Variants in PAGE2B observed in about 807,000 individuals in gnomAD.
PAGE2B encodes PAGE family member 2B, also known as putative G antigen family E member 3.
In PAGE2B, 5 loss-of-function variants were observed where a neutral mutation model predicts 7.6. The observed-to-expected ratio is 0.66, with a 90% CI of 0.34 to 1.38. The LOEUF is 1.38. Among genes scored for constraint, PAGE2B ranks in the 40% most tolerant of loss-of-function variants. The probability of loss-of-function intolerance (pLI) is 0.04; values close to 1 mark genes in which losing one functional copy is unlikely to be tolerated. For synonymous variants in PAGE2B, 29 were observed against 26.7 expected (o/e 1.09, Z -0.27); for missense variants, 70 against 78.4 (o/e 0.89, Z 0.41).
the PAGE2B span, among the ~76,000 whole-genome samples, chrX:55,039,447 C>T: frequency 9.3e-6 from 1 of 107,118 alleles, no homozygotes; most frequent in South Asian, 4.0e-4. Context: ...ATATACATAC[C>T]AAAGAATACT....
chrX:55,044,328 C>T, the PAGE2B span, among the ~76,000 whole-genome samples: 2 of 111,357 alleles, frequency 1.8e-5, no homozygotes, highest in African/African-American at 3.3e-5. Context: ...TTCACAGCAA[C>T]CATTATTCTA....
At chrX:55,040,674 C>T in the PAGE2B span, among the ~76,000 whole-genome samples, 1 of 111,046 alleles carries the variant, frequency 9.0e-6, no homozygotes, top group African/African-American at 3.3e-5. Context: ...ATGGAAGTTA[C>T]TGTTTAAGGA....
At chrX:55,031,534 GA>G in the PAGE2B span, among the ~76,000 whole-genome samples, 1 of 111,959 alleles carries the variant, frequency 8.9e-6, no homozygotes, top group African/African-American at 3.2e-5. Context: ...TGCTTTACAT[GA>G]ATTAATTTAG....
At chrX:55,054,307 A>G in the PAGE2B span, among the ~76,000 whole-genome samples, 3 of 112,500 alleles carry the variant, frequency 2.7e-5, no homozygotes, top group East Asian at 8.3e-4. Flanking sequence ...TGACTTATGG[A>G]TCAATGTTAA....
intron 2 of PAGE2B, 135 bp from the exon 3 acceptor site, chrX:55,076,434 A>G (rs757927586): frequency 9.0e-5 from 54 of 600,615 alleles, no homozygotes; most frequent in Non-Finnish European, 1.3e-4. Context: ...GTATGTATAT[A>G]TACATATATG....
chrX:55,060,872 C>T, the PAGE2B span, among the ~76,000 whole-genome samples: 1 of 110,627 alleles, frequency 9.0e-6, no homozygotes, highest in Non-Finnish European at 1.9e-5. Context: ...AAAAGTGTGT[C>T]TATTTATTCC....
the PAGE2B span, among the ~76,000 whole-genome samples, chrX:55,066,390 C>T: frequency 8.9e-6 from 1 of 112,360 alleles, no homozygotes; most frequent in Non-Finnish European, 1.9e-5. Context: ...CATGCCCAGC[C>T]TCAGATGATT....
chrX:55,053,133 G>A, the PAGE2B span, among the ~76,000 whole-genome samples: 1 of 112,188 alleles, frequency 8.9e-6, no homozygotes, highest in Non-Finnish European at 1.9e-5. Flanking sequence ...ATGCCCATCA[G>A]TGATAGACTG....
the PAGE2B span, among the ~76,000 whole-genome samples, chrX:55,058,167 TA>T: frequency 6.3e-5 from 7 of 111,134 alleles, no homozygotes; most frequent in East Asian, 2.0e-3. Flanking sequence ...TCGGTTGTAA[TA>T]ATTGATCTCC....
At chrX:55,074,300 G>A (rs985642467), upstream of PAGE2B, among the ~76,000 whole-genome samples, 10 of 112,043 alleles carry the variant, frequency 8.9e-5, no homozygotes, top group Non-Finnish European at 1.5e-4. Context: ...AAAGACCAAC[G>A]TGTCAGAATT....
the PAGE2B span, among the ~76,000 whole-genome samples, chrX:55,048,652 T>A: frequency 8.9e-6 from 1 of 111,885 alleles, no homozygotes; most frequent in Admixed American, 9.5e-5. Flanking sequence ...TGCACATTGA[T>A]TGTGTATCCT....
chrX:55,029,174 A>G, the PAGE2B span, among the ~76,000 whole-genome samples: 1 of 112,110 alleles, frequency 8.9e-6, no homozygotes, highest in African/African-American at 3.2e-5. Flanking sequence ...ACATGAATAT[A>G]CCAGGCTGGG....
chrX:55,030,888 G>C, the PAGE2B span: 1 of 338,145 alleles, frequency 3.0e-6, no homozygotes, highest in South Asian at 2.7e-5. Flanking sequence ...GTACAGCCCT[G>C]AGAGACCAGC....
chrX:55,031,419 A>G, the PAGE2B span, among the ~76,000 whole-genome samples: 1 of 111,873 alleles, frequency 8.9e-6, no homozygotes, highest in Non-Finnish European at 1.9e-5. Context: ...TGTTGTAACA[A>G]TTTGGTAATA....
At chrX:55,072,024 G>T (rs1272910131), upstream of PAGE2B, among the ~76,000 whole-genome samples, 7 of 111,955 alleles carry the variant, frequency 6.3e-5, no homozygotes, top group Non-Finnish European at 1.3e-4. Flanking sequence ...AGAAGAGTTT[G>T]TTGTTACCCA....
chrX:55,052,385 T>C, the PAGE2B span, among the ~76,000 whole-genome samples: 1 of 112,617 alleles, frequency 8.9e-6, no homozygotes, highest in Non-Finnish European at 1.9e-5. Context: ...GTCTTTTGTT[T>C]GTCTGTTCCC....
At chrX:55,075,958 C>T (rs1371724327) in intron 1 of PAGE2B, 76 bp from the exon 2 acceptor site, 5 of 950,149 alleles carry the variant, frequency 5.3e-6, no homozygotes, top group South Asian at 2.5e-5. Flanking sequence ...TACAAATCAC[C>T]ATTTTGCCAT....
At chrX:55,048,882 C>G in the PAGE2B span, among the ~76,000 whole-genome samples, 3 of 111,612 alleles carry the variant, frequency 2.7e-5, no homozygotes, top group African/African-American at 9.8e-5. Flanking sequence ...CTGTCTTGTG[C>G]CAGTTTTCAA....
At chrX:55,072,461 CA>C (rs1936459056), upstream of PAGE2B, among the ~76,000 whole-genome samples, 1 of 112,406 alleles carries the variant, frequency 8.9e-6, no homozygotes, top group African/African-American at 3.2e-5. Context: ...TGATGCCAGC[CA>C]GGGCTGTCCT....
Sources: gnomAD v4.1 joint callset for allele counts (sites outside exome capture counted in the v4.1 genomes callset) on GRCh38, gnomAD v4.1.1 for gene constraint, MANE v1.5 for transcripts, NCBI Gene and HGNC (gene_info 2026-07-23, HGNC 2026-07-21) for gene names.